Variants in STK33 observed in about 807,000 individuals in gnomAD.
STK33 encodes the protein serine/threonine-protein kinase 33.
A neutral mutation model predicts 58.0 loss-of-function variants in STK33; 52 were observed. The observed-to-expected ratio is 0.90, with a 90% CI of 0.72 to 1.13. STK33 has a LOEUF of 1.13. Among genes scored for constraint, STK33 ranks in the 50% most tolerant of loss-of-function variants. STK33 has a pLI of 0.00. For missense variants in STK33, 630 were observed against 604.2 expected (o/e 1.04, Z -0.45); for synonymous variants, 215 against 200.1 (o/e 1.07, Z -0.63).
intron 15 of STK33, among the ~76,000 whole-genome samples, chr11:8,405,777 T>C (rs1279762649): frequency 6.6e-6 from 1 of 152,210 alleles, no homozygotes; most frequent in African/African-American, 2.4e-5. Context: ...ATATATCTAC[T>C]ATTGTTCTAG....
chr11:8,457,900 T>C (rs1392900245), intron 8 of STK33, among the ~76,000 whole-genome samples: 1 of 152,174 alleles, frequency 6.6e-6, no homozygotes, highest in African/African-American at 2.4e-5. Flanking sequence ...CAGCACTGTC[T>C]GTTAAAAGAA....
intron 1 of STK33, among the ~76,000 whole-genome samples, chr11:8,523,484 G>A (rs951766168): frequency 8.9e-5 from 13 of 145,994 alleles, no homozygotes; most frequent in African/African-American, 2.8e-4. Context: ...CCCGGCGGCC[G>A]CCCTGTCTGA....
At chr11:8,363,076 A>G in the STK33 span, among the ~76,000 whole-genome samples, 674 of 152,292 alleles carry the variant, frequency 4.4e-3, 5 homozygotes, top group African/African-American at 0.016. Context: ...GGACCAGAGC[A>G]GCAGGTGATG....
intron 6 of STK33, among the ~76,000 whole-genome samples, chr11:8,467,940 T>C (rs547196681): frequency 1.3e-5 from 2 of 150,092 alleles, no homozygotes; most frequent in East Asian, 1.9e-4. Context: ...CAAGACTCCA[T>C]CTCAAAAAAA....
At chr11:8,593,214 C>A (rs1299216953) in intron 1 of STK33, among the ~76,000 whole-genome samples, 1 of 152,164 alleles carries the variant, frequency 6.6e-6, no homozygotes, top group African/African-American at 2.4e-5. Context: ...TCTAAAGGCA[C>A]GGGCCTGGAG....
At chr11:8,485,270 T>G (rs1175788537) in intron 1 of STK33, among the ~76,000 whole-genome samples, 1 of 152,146 alleles carries the variant, frequency 6.6e-6, no homozygotes, top group Non-Finnish European at 1.5e-5. Flanking sequence ...TTTCCAGACC[T>G]CTTCTGCAAA....
intron 1 of STK33, among the ~76,000 whole-genome samples, chr11:8,568,455 A>G (rs1448036127): frequency 1.3e-5 from 2 of 152,226 alleles, no homozygotes; most frequent in African/African-American, 4.8e-5. Flanking sequence ...TGAATACCAC[A>G]GTATGGTCAG....
At chr11:8,480,115 T>G (rs1282989018) in intron 2 of STK33, among the ~76,000 whole-genome samples, 1 of 152,190 alleles carries the variant, frequency 6.6e-6, no homozygotes, top group Non-Finnish European at 1.5e-5. Flanking sequence ...CATATGGGAT[T>G]AGACTTCTAC....
intron 1 of STK33, among the ~76,000 whole-genome samples, chr11:8,493,269 C>T (rs1329327631): frequency 6.6e-6 from 1 of 151,886 alleles, no homozygotes; most frequent in Non-Finnish European, 1.5e-5. Context: ...GGGGATAGCA[C>T]CACCGATGAC....
the STK33 span, among the ~76,000 whole-genome samples, chr11:8,358,820 C>T: frequency 6.6e-6 from 1 of 152,150 alleles, no homozygotes; most frequent in Non-Finnish European, 1.5e-5. Context: ...GATATTTACA[C>T]AGTCTCGTAA....
the STK33 span, among the ~76,000 whole-genome samples, chr11:8,363,304 T>G: frequency 1.3e-5 from 2 of 152,210 alleles, no homozygotes. Context: ...AAAAATTTAT[T>G]TATTTAAGAA....
chr11:8,380,662 G>A, the STK33 span, among the ~76,000 whole-genome samples: 36,436 of 151,918 alleles, frequency 0.24, 4,552 homozygotes, highest in South Asian at 0.36. Flanking sequence ...AAATTAGTAC[G>A]GCCCCTATGG....
At position 8,477,921 on chromosome 11, in the gene STK33, A is replaced by G. The variant is rs16938247; in HGVS notation, c.-260-638T>C. On this transcript the variant is annotated intron_variant, in intron 2 of 15. Transcript: ENST00000687296. ...TTTGCTCTCCAGTCTACCAAGTGCT[A>G]TATTTGCCAAAATAATGTTCTACTT... is the stretch of plus-strand genomic sequence containing the variant. Among the ~76,000 whole-genome samples the G allele has an allele frequency of 8.6e-3, 1,317 of 152,284 alleles. 57 individuals are homozygous for G. The highest frequency in any genetic ancestry group is 0.066 in the Admixed American group (1,014 of 15,296).
At chr11:8,556,268 G>A (rs913018176) in intron 1 of STK33, among the ~76,000 whole-genome samples, 6 of 152,142 alleles carry the variant, frequency 3.9e-5, no homozygotes, top group Non-Finnish European at 5.9e-5. Context: ...TCAAAGTTGT[G>A]CTTTAGAAAG....
chr11:8,404,466 T>A (rs1442811981), intron 15 of STK33, among the ~76,000 whole-genome samples: 2 of 152,200 alleles, frequency 1.3e-5, no homozygotes, highest in African/African-American at 2.4e-5. Flanking sequence ...ACTATTCTGA[T>A]TTTTTCAACA....
At chr11:8,578,397 C>T (rs1328544100) in intron 1 of STK33, among the ~76,000 whole-genome samples, 1 of 151,990 alleles carries the variant, frequency 6.6e-6, no homozygotes, top group African/African-American at 2.4e-5. Flanking sequence ...AGTTGTGGTA[C>T]ATCCATTCAG....
At chr11:8,570,744 A>C (rs941791015) in intron 1 of STK33, among the ~76,000 whole-genome samples, 3 of 152,162 alleles carry the variant, frequency 2.0e-5, no homozygotes, top group Admixed American at 6.5e-5. Context: ...AACGGACATA[A>C]GGGAATTTTG....
the STK33 span, among the ~76,000 whole-genome samples, chr11:8,340,944 C>T: frequency 3.9e-5 from 6 of 152,294 alleles, no homozygotes; most frequent in African/African-American, 7.2e-5. Context: ...CTGCAACCTC[C>T]GCCTCCTGGG....
At chr11:8,533,766 C>A (rs1038702326) in intron 1 of STK33, among the ~76,000 whole-genome samples, 3 of 152,208 alleles carry the variant, frequency 2.0e-5, no homozygotes, top group Non-Finnish European at 2.9e-5. Flanking sequence ...TTATTTGTTA[C>A]ATGGTTTTGT....
Sources: gnomAD v4.1 joint callset for allele counts (sites outside exome capture counted in the v4.1 genomes callset) on GRCh38, gnomAD v4.1.1 for gene constraint, MANE v1.5 for transcripts, NCBI Gene and HGNC (gene_info 2026-07-23, HGNC 2026-07-21) for gene names.